The following STAC variants were observed in gnomAD, a reference collection of about 807,000 sequenced individuals.
The protein encoded by STAC is SH3 and cysteine-rich domain-containing protein.
STAC carries 43 observed loss-of-function variants against 48.8 expected under a neutral mutation model. The ratio of observed to expected loss-of-function variants is 0.88; its 90% confidence interval spans 0.69 to 1.14. STAC has a LOEUF of 1.14. Among genes scored for constraint, STAC ranks in the 50% most tolerant of loss-of-function variants. STAC has a pLI of 0.00. For synonymous variants in STAC, 193 were observed against 179.5 expected, an observed-to-expected ratio of 1.07 and a Z score of -0.60; for missense variants, 497 against 504.0, an observed-to-expected ratio of 0.99 and a Z score of 0.13.
At position 36,505,849 on chromosome 3, in the gene STAC, T is replaced by TAAAAA; in HGVS notation, c.920+18_920+19insAAAAA. 1 of 1,551,778 alleles carries TAAAAA rather than the reference T, an allele frequency of 6.4e-7. No homozygotes were observed. Among genetic ancestry groups the TAAAAA allele is most frequent in the African/African-American group, 1.4e-5 (1 of 72,228 alleles). Reference sequence around the variant, plus strand: ...TTGGAAATGAGGTAAAAACCTTCTGTAAAGAAAAAAAAGAGTAAAATTTTA... The same window carrying TAAAAA: ...TTGGAAATGAGGTAAAAACCTTCTGTAAAAAAAAGAAAAAAAAGAGTAAAATTTTA... On this transcript the variant is annotated intron_variant, in intron 8 of 10. Coordinates refer to ENST00000273183, the MANE Select transcript of STAC (RefSeq NM_003149.3).
At chr3:36,442,894 C>CAA in intron 1 of STAC, among the ~76,000 whole-genome samples, 1 of 151,970 alleles carries the variant, frequency 6.6e-6, no homozygotes, top group Non-Finnish European at 1.5e-5. Context: ...GATTTTGAGC[C>CAA]AGACAATAGA....
At chr3:36,419,767 A>C (rs1700406555) in intron 1 of STAC, among the ~76,000 whole-genome samples, 3 of 152,192 alleles carry the variant, frequency 2.0e-5, no homozygotes, top group Non-Finnish European at 4.4e-5. Flanking sequence ...GGACTTCAGA[A>C]AACAACCTCA....
At chr3:36,546,032 A>AT (rs1282284241) in intron 10 of STAC, among the ~76,000 whole-genome samples, 159 bp from the exon 11 acceptor site, 1 of 149,548 alleles carries the variant, frequency 6.7e-6, no homozygotes, top group Admixed American at 6.6e-5. Flanking sequence ...TTTTTATCAA[A>AT]CCTTTTTCTC....
intron 10 of STAC, among the ~76,000 whole-genome samples, chr3:36,533,010 G>C (rs1176140383): frequency 6.6e-6 from 1 of 152,144 alleles, no homozygotes; most frequent in African/African-American, 2.4e-5. Context: ...TGCTCAAGGG[G>C]CAAAAGCCTA....
Position 36,478,653 on chromosome 3 carries a change from C to A in STAC, c.389-4339C>A, listed in dbSNP as rs560296281. 1.3e-4 allele frequency among the ~76,000 whole-genome samples: 20 copies of A among 152,234 alleles called. No individual in the cohort carries two copies. The South Asian group carries it at 3.7e-3, about 28-fold the overall frequency. On this transcript the variant is annotated intron_variant, in intron 2 of 10. Transcript: ENST00000273183. Reference sequence around the variant, plus strand: ...GGGACTACAGGCACACGTAACGATGCCCGGCTAATTTTTGAATATTTAGTA... The same window carrying A: ...GGGACTACAGGCACACGTAACGATGACCGGCTAATTTTTGAATATTTAGTA...
chr3:36,446,044 G>C (rs1472385820), intron 2 of STAC, among the ~76,000 whole-genome samples: 4 of 152,140 alleles, frequency 2.6e-5, no homozygotes, highest in Non-Finnish European at 5.9e-5. Context: ...GTCTCATCCA[G>C]TGCCCATCCA....
At chr3:36,444,088 C>T (rs539176938) in intron 2 of STAC, among the ~76,000 whole-genome samples, 25 of 152,188 alleles carry the variant, frequency 1.6e-4, no homozygotes, top group Non-Finnish European at 2.6e-4. Flanking sequence ...CTGCAGTTCT[C>T]CTTACCCTTT....
intron 8 of STAC, among the ~76,000 whole-genome samples, chr3:36,517,304 T>A (rs1698697255): frequency 6.6e-6 from 1 of 152,118 alleles, no homozygotes; most frequent in Non-Finnish European, 1.5e-5. Context: ...GCCCTGAAAA[T>A]TACACTTTAT....
chr3:36,390,451 C>CTTTTTTTTTTTTT (rs59589769), intron 1 of STAC, among the ~76,000 whole-genome samples: 1,100 of 80,770 alleles, frequency 0.014, 44 homozygotes, highest in Non-Finnish European at 0.02. Flanking sequence ...TTTTTCTTTT[C>CTTTTTTTTTTTTT]TTTTTTTTTT....
chr3:36,496,170 A>G (rs1237396046), intron 6 of STAC, among the ~76,000 whole-genome samples: 1 of 152,198 alleles, frequency 6.6e-6, no homozygotes, highest in Non-Finnish European at 1.5e-5. Flanking sequence ...AAACTCCCAA[A>G]AAGTGTTGGA....
intron 3 of STAC, 70 bp from the exon 4 acceptor site, chr3:36,484,907 A>G: frequency 7.8e-7 from 1 of 1,281,914 alleles, no homozygotes; most frequent in Non-Finnish European, 1.1e-6. Context: ...GGTTTTATTT[A>G]GGGAGCTCTT....
At chr3:36,428,151 T>C (rs1193093366) in intron 1 of STAC, among the ~76,000 whole-genome samples, 1 of 152,226 alleles carries the variant, frequency 6.6e-6, no homozygotes, top group Non-Finnish European at 1.5e-5. Context: ...CAGAGTGGGA[T>C]GTAATTGAGG....
At chr3:36,424,775 C>G (rs1700525633) in intron 1 of STAC, among the ~76,000 whole-genome samples, 1 of 151,920 alleles carries the variant, frequency 6.6e-6, no homozygotes, top group Admixed American at 6.6e-5. Flanking sequence ...AATGAGCAAA[C>G]CTGGGACAAT....
intron 3 of STAC, 39 bp downstream of exon 3, chr3:36,483,131 GCTA>G: frequency 6.7e-7 from 1 of 1,490,286 alleles, no homozygotes; most frequent in Non-Finnish European, 9.3e-7. Context: ...ACACCTCTCT[GCTA>G]GGGCACTTGC....
chr3:36,432,405 A>G (rs1330361801), intron 1 of STAC, among the ~76,000 whole-genome samples: 4 of 152,188 alleles, frequency 2.6e-5, no homozygotes, highest in African/African-American at 9.7e-5. Flanking sequence ...AGGGAGCCTT[A>G]AAACTTTTGC....
Position 36,528,751 on chromosome 3 carries a change from A to C in STAC, c.972+4A>C, listed in dbSNP as rs771690470. ...TTCCAATGAAGACTGGTGGAAAGTAAGTGTTCCTCTTTCTTTAAAAAAAAA... is the reference window on the plus strand; with the variant it reads ...TTCCAATGAAGACTGGTGGAAAGTACGTGTTCCTCTTTCTTTAAAAAAAAA... On this transcript the variant is annotated splice_donor_region_variant and intron_variant, in intron 9 of 10. Coordinates refer to ENST00000273183, the MANE Select transcript of STAC (RefSeq NM_003149.3). 19 of 1,605,408 alleles carry C rather than the reference A, an allele frequency of 1.2e-5. No individual in the cohort carries two copies. Among genetic ancestry groups the C allele is most frequent in the Middle Eastern group, 1.7e-4 (1 of 5,932 alleles).
At position 36,546,329 on chromosome 3, in the gene STAC, T is replaced by G; in HGVS notation, c.*40T>G. 6.4e-7 allele frequency: 1 copy of G among 1,554,244 alleles called. No individual in the cohort carries two copies. The highest frequency in any genetic ancestry group is 8.9e-7 in the Non-Finnish European group (1 of 1,125,468). ...TCCGTTTGCAGTAGGCAAGCTCTGC[T>G]GCGATGCCTCTGCCTCATCTCACAC... On this transcript the variant is annotated 3_prime_UTR_variant, in exon 11 of 11. Transcript: ENST00000273183.
At chr3:36,447,506 C>T (rs1314564826) in intron 2 of STAC, among the ~76,000 whole-genome samples, 1 of 152,134 alleles carries the variant, frequency 6.6e-6, no homozygotes, top group Non-Finnish European at 1.5e-5. Context: ...TACTACATTA[C>T]ACTGAGTCCC....
chr3:36,402,506 C>T (rs936423549), intron 1 of STAC, among the ~76,000 whole-genome samples: 3 of 151,980 alleles, frequency 2.0e-5, no homozygotes, highest in African/African-American at 7.2e-5. Context: ...AAGCTTACAG[C>T]ACTTAGTTAA....
Sources: gnomAD v4.1 joint callset for allele counts (sites outside exome capture counted in the v4.1 genomes callset) on GRCh38, gnomAD v4.1.1 for gene constraint, MANE v1.5 for transcripts, NCBI Gene and HGNC (gene_info 2026-07-23, HGNC 2026-07-21) for gene names.